MYO3A: variants seen among roughly 807,000 people sequenced by gnomAD.
The protein encoded by MYO3A is myosin IIIA, also known as myosin-IIIa.
A neutral mutation model predicts 192.7 loss-of-function variants in MYO3A; 180 were observed. The ratio of observed to expected loss-of-function variants is 0.93; its 90% confidence interval spans 0.83 to 1.06. The LOEUF (loss-of-function observed/expected upper bound fraction) is 1.06, where lower values mean the gene tolerates loss of function less well. Ranked by LOEUF, MYO3A falls within the 50% of genes least tolerant of loss-of-function variation. MYO3A has a pLI of 0.00. For synonymous variants in MYO3A, 628 were observed against 645.3 expected (o/e 0.97, Z 0.41); for missense variants, 1,896 against 1,905.0 (o/e 1.00, Z 0.09).
At chr10:26,111,327 C>T (rs889988901) in intron 17 of MYO3A, among the ~76,000 whole-genome samples, 5 of 152,180 alleles carry the variant, frequency 3.3e-5, no homozygotes, top group African/African-American at 9.7e-5. Context: ...CAAGGAGACT[C>T]CACATGCCAC....
chr10:25,984,029 A>G (rs190144530), intron 4 of MYO3A, among the ~76,000 whole-genome samples: 271 of 152,340 alleles, frequency 1.8e-3, no homozygotes, highest in African/African-American at 6.4e-3. Context: ...TAAATGAAGG[A>G]AAGAAGGTCT....
intron 6 of MYO3A, among the ~76,000 whole-genome samples, chr10:26,004,382 G>T (rs961710197): frequency 3.3e-5 from 5 of 151,672 alleles, no homozygotes; most frequent in African/African-American, 1.2e-4. Flanking sequence ...ATGTTGGGTT[G>T]GAATTGGAGG....
intron 20 of MYO3A, among the ~76,000 whole-genome samples, chr10:26,134,459 G>T (rs371962731): frequency 6.9e-6 from 1 of 145,006 alleles, no homozygotes; most frequent in African/African-American, 2.5e-5. Flanking sequence ...CGTTTTTACA[G>T]GACAAGTATT....
chr10:26,025,757 C>T (rs1416243885), intron 9 of MYO3A, among the ~76,000 whole-genome samples: 1 of 152,216 alleles, frequency 6.6e-6, no homozygotes. Flanking sequence ...GGTGCTCTCA[C>T]TAGTCCTATC....
Position 26,088,248 on chromosome 10 carries a change from T to C in MYO3A, c.1405T>C (p.Leu469=). The change falls in exon 15 of 35, where the codon TTG becomes CTG. Residue 469 remains leucine, a synonymous_variant. Coordinates refer to ENST00000642920, the MANE Select transcript of MYO3A (RefSeq NM_017433.5). ...AGAGAAGATTTTACAAGTGAACAAT[T>C]TGGTAGAAGCCTTTGGCAATGCCTG... The part of the protein sequence containing the change: ...LQEKILQVNN[L]VEAFGNACTI... The C allele has an allele frequency of 1.2e-6, 2 of 1,613,162 alleles. No homozygotes were observed. The highest frequency in any genetic ancestry group is 1.1e-5 in the South Asian group (1 of 90,908).
chr10:26,211,319 T>C (rs895755086), intron 34 of MYO3A, among the ~76,000 whole-genome samples: 1 of 152,168 alleles, frequency 6.6e-6, no homozygotes, highest in African/African-American at 2.4e-5. Context: ...AGCAGCCTCA[T>C]TGAAAACATT....
intron 10 of MYO3A, among the ~76,000 whole-genome samples, chr10:26,062,515 C>CAAAAAAAAAAAAAAAAAAAAAAA (rs573334201): frequency 4.7e-5 from 2 of 42,214 alleles, no homozygotes; most frequent in Non-Finnish European, 1.2e-4. Context: ...GATGCCATCT[C>CAAAAAAAAAAAAAAAAAAAAAAA]AAAAAAAAAA....
chr10:25,977,761 C>T (rs1314720236), intron 4 of MYO3A, among the ~76,000 whole-genome samples: 2 of 152,026 alleles, frequency 1.3e-5, no homozygotes, highest in African/African-American at 4.8e-5. Context: ...TAGATGTTAA[C>T]AAACCTTAGG....
intron 31 of MYO3A, among the ~76,000 whole-genome samples, chr10:26,189,057 G>T (rs1349416189): frequency 6.6e-6 from 1 of 152,088 alleles, no homozygotes; most frequent in Non-Finnish European, 1.5e-5. Context: ...GGATGGCATT[G>T]AATCTATAAA....
chr10:25,966,852 C>T (rs534426470), intron 4 of MYO3A, among the ~76,000 whole-genome samples: 76 of 152,066 alleles, frequency 5.0e-4, no homozygotes, highest in Non-Finnish European at 7.5e-4. Context: ...TGCTGTTGTA[C>T]CATAAACAAC....
chr10:26,199,791 C>G (rs1442190447), intron 32 of MYO3A, among the ~76,000 whole-genome samples: 6 of 152,094 alleles, frequency 3.9e-5, no homozygotes, highest in Non-Finnish European at 8.8e-5. Context: ...ATCTCTGTCA[C>G]TCAACATAGT....
chr10:25,999,659 A>G (rs1011740971), intron 6 of MYO3A, among the ~76,000 whole-genome samples: 4 of 152,234 alleles, frequency 2.6e-5, no homozygotes, highest in Admixed American at 1.3e-4. Context: ...CTTCATAATT[A>G]TACTATCAGC....
At chr10:26,175,113 C>G (rs138787729) in intron 30 of MYO3A, among the ~76,000 whole-genome samples, 2 of 152,288 alleles carry the variant, frequency 1.3e-5, no homozygotes, top group African/African-American at 4.8e-5. Context: ...GAGAATATCT[C>G]ATGCCAATCA....
chr10:26,131,304 T>G (rs1021042569), intron 20 of MYO3A, among the ~76,000 whole-genome samples: 4 of 151,874 alleles, frequency 2.6e-5, no homozygotes, highest in Non-Finnish European at 5.9e-5. Context: ...AATATCATTT[T>G]CCCATTGCCT....
At position 26,154,789 on chromosome 10, in the gene MYO3A, A is replaced by G. The variant is rs754974871; in HGVS notation, c.2759A>G (p.Asn920Ser). 8.1e-6 allele frequency: 13 copies of G among 1,613,690 alleles called. No individual in the cohort carries two copies. The highest frequency in any genetic ancestry group is 1.1e-5 in the Non-Finnish European group (13 of 1,179,824). ...EATRHARETT[N>S]MKTQTVASYF... ...ACACGTCATGCCAGAGAGACAACCAACATGAAAACACAAACGGTTGCATCA... is the reference window on the plus strand; with the variant it reads ...ACACGTCATGCCAGAGAGACAACCAGCATGAAAACACAAACGGTTGCATCA... Residue 920 changes from asparagine (N) to serine (S), a missense_variant, in exon 25 of 35, where the codon AAC becomes AGC. Transcript: ENST00000642920.
chr10:26,182,493 A>G (rs1268912171), intron 31 of MYO3A, among the ~76,000 whole-genome samples: 2 of 152,232 alleles, frequency 1.3e-5, no homozygotes, highest in Non-Finnish European at 2.9e-5. Flanking sequence ...AGGGAAAGAA[A>G]AAAACAAATG....
In MYO3A at chr10:25,957,928, A is replaced by G. The variant is rs148754471; in HGVS notation, c.303+2920A>G. Among the ~76,000 whole-genome samples the G allele has an allele frequency of 3.1e-3, 477 of 151,898 alleles. 3 individuals are homozygous for G. The highest frequency in any genetic ancestry group is 9.9e-3 in the African/African-American group (411 of 41,436). ...CTGTTCATTTTCTTTGCCCACTTTT[A>G]ATGAGGTTGTTTGTTTTTTCCTTCT... On this transcript the variant is annotated intron_variant, in intron 4 of 34. Transcript: ENST00000642920.
intron 10 of MYO3A, among the ~76,000 whole-genome samples, chr10:26,031,708 G>C (rs11598705): frequency 5.3e-5 from 8 of 152,188 alleles, no homozygotes; most frequent in Non-Finnish European, 1.2e-4. Flanking sequence ...CTGTTGCTCA[G>C]GCTGGCCTCA....
intron 17 of MYO3A, among the ~76,000 whole-genome samples, chr10:26,110,873 T>TC (rs1338143464): frequency 1.3e-5 from 2 of 151,006 alleles, no homozygotes; most frequent in African/African-American, 4.9e-5. Context: ...TCTTTTCTTT[T>TC]TTTTTTTTTT....
Sources: gnomAD v4.1 joint callset for allele counts (sites outside exome capture counted in the v4.1 genomes callset) on GRCh38, gnomAD v4.1.1 for gene constraint, MANE v1.5 for transcripts, NCBI Gene and HGNC (gene_info 2026-07-23, HGNC 2026-07-21) for gene names.